Variants in PVALEF observed in about 807,000 individuals in gnomAD.
PVALEF encodes parvalbumin-like EF-hand-containing protein.
Under a neutral mutation model 1.2 loss-of-function variants are expected in PVALEF, and 2 were observed. That is an observed-to-expected ratio of 1.68 (90% CI 0.69 to 5.28). The LOEUF (loss-of-function observed/expected upper bound fraction) is 5.28. PVALEF is among the 30% of genes most tolerant of loss of function. The pLI, the probability that PVALEF is intolerant of heterozygous loss-of-function variation, is 0.06. For synonymous variants in PVALEF, 16 were observed against 6.5 expected (o/e 2.47, Z -2.24); for missense variants, 35 against 17.7 (o/e 1.97, Z -1.75).
Position 81,183,153 on chromosome 17 carries a change from C to A in PVALEF, c.*142C>A. On this transcript the variant is annotated 3_prime_UTR_variant, in exon 7 of 7. Transcript: ENST00000637878. ...CTTTTGAAGGAAAATGGAAGAAAAG[C>A]AGCATTAAGTGAATGACGCAGCCTG... The A allele has an allele frequency of 5.1e-6, 2 of 392,864 alleles. No individual in the cohort carries two copies. Among genetic ancestry groups the A allele is most frequent in the Non-Finnish European group, 9.0e-6 (2 of 222,756 alleles). The allele number at this position is 392,864 out of a possible 1,614,324, so 24.3% of individuals were successfully genotyped here.
Position 81,165,738 on chromosome 17 carries a change from G to A in PVALEF, c.-517G>A. The A allele has an allele frequency of 6.6e-7, 1 of 1,524,636 alleles. No homozygotes were observed. The highest frequency in any genetic ancestry group is 8.8e-7 in the Non-Finnish European group (1 of 1,137,468). The allele number at this position is 1,524,636 out of a possible 1,614,324, so 94.4% of individuals were successfully genotyped here. On this transcript the variant is annotated 5_prime_UTR_variant, in exon 1 of 7. Coordinates refer to ENST00000637878, the MANE Select transcript of PVALEF (RefSeq NM_001354639.2). ...CCACGCGGGGGACGCCAGCCCACAGGCGGAGGCCGGTTTGTGCTGGGGCCC... is the reference window on the plus strand; with the variant it reads ...CCACGCGGGGGACGCCAGCCCACAGACGGAGGCCGGTTTGTGCTGGGGCCC...
At chr17:81,173,454 G>A (rs1013672846) in intron 2 of PVALEF, among the ~76,000 whole-genome samples, 2 of 152,196 alleles carry the variant, frequency 1.3e-5, no homozygotes, top group Admixed American at 1.3e-4. Context: ...GGTGGGGTGG[G>A]AGCTCATGCT....
chr17:81,177,777 C>A (rs779089120), intron 2 of PVALEF, among the ~76,000 whole-genome samples: 1 of 152,238 alleles, frequency 6.6e-6, no homozygotes, highest in African/African-American at 2.4e-5. Flanking sequence ...CTGATTGCTT[C>A]ATCTCATCCA....
chr17:81,179,405 CAT>C (rs143461333), intron 3 of PVALEF, among the ~76,000 whole-genome samples: 4,697 of 152,316 alleles, frequency 0.031, 107 homozygotes, highest in African/African-American at 0.07. Flanking sequence ...GCGGGGAGCA[CAT>C]GTGTGCACGT....
intron 2 of PVALEF, among the ~76,000 whole-genome samples, chr17:81,169,426 C>G (rs113273349): frequency 0.09 from 13,653 of 152,178 alleles, 833 homozygotes; most frequent in East Asian, 0.18. Flanking sequence ...GGTGAAGCCC[C>G]GTATCTACTA....
intron 2 of PVALEF, 147 bp downstream of exon 2, chr17:81,166,991 G>C: frequency 3.2e-6 from 1 of 307,830 alleles, no homozygotes; most frequent in Non-Finnish European, 6.5e-6. Context: ...TGGGAGTCGG[G>C]AGAGTTAAAG....
At chr17:81,172,154 T>C (rs1000264795) in intron 2 of PVALEF, among the ~76,000 whole-genome samples, 1 of 152,228 alleles carries the variant, frequency 6.6e-6, no homozygotes, top group Non-Finnish European at 1.5e-5. Context: ...TTACGTTCCA[T>C]TGTGTGGACG....
chr17:81,183,142 T>C lies in PVALEF; in HGVS notation c.*131T>C, dbSNP rs1457570380. On this transcript the variant is annotated 3_prime_UTR_variant, in exon 7 of 7. Coordinates refer to ENST00000637878, the MANE Select transcript of PVALEF (RefSeq NM_001354639.2). ...GGTGGACCCAGCTTTTGAAGGAAAA[T>C]GGAAGAAAAGCAGCATTAAGTGAAT... The C allele has an allele frequency of 2.5e-6, 1 of 395,164 alleles. No homozygotes were observed. Among genetic ancestry groups the C allele is most frequent in the Non-Finnish European group, 4.5e-6 (1 of 224,626 alleles). 24.5% of individuals were successfully genotyped at this position (395,164 alleles called of 1,614,324 possible). A position where few individuals can be genotyped will look rare whatever the true frequency, so the allele number is the denominator to read the frequency against.
chr17:81,166,512 G>GC (rs886756514), intron 1 of PVALEF, among the ~76,000 whole-genome samples, 165 bp from the exon 2 acceptor site: 1 of 103,578 alleles, frequency 9.7e-6, no homozygotes, highest in Non-Finnish European at 2.2e-5. Flanking sequence ...GCGGGGGGGG[G>GC]GGAAACGGAA....
intron 1 of PVALEF, among the ~76,000 whole-genome samples, chr17:81,166,449 T>C (rs1434157321): frequency 1.3e-4 from 10 of 78,982 alleles, no homozygotes; most frequent in Non-Finnish European, 2.2e-4. Flanking sequence ...AGTGGGGGGA[T>C]GGTCCGGAGC....
chr17:81,166,103 C>CA, intron 1 of PVALEF: 8 of 577,338 alleles, frequency 1.4e-5, no homozygotes, highest in African/African-American at 2.1e-5. Context: ...GCGGAGCGCG[C>CA]CGGCCCCCGC....
At chr17:81,168,057 C>T (rs923625559) in intron 2 of PVALEF, among the ~76,000 whole-genome samples, 1 of 152,182 alleles carries the variant, frequency 6.6e-6, no homozygotes, top group Non-Finnish European at 1.5e-5. Context: ...GTCAGGGCCT[C>T]CCCTCCCCAG....
chr17:81,180,131 C>T (rs765086106), intron 3 of PVALEF, among the ~76,000 whole-genome samples: 5 of 152,202 alleles, frequency 3.3e-5, no homozygotes, highest in Non-Finnish European at 5.9e-5. Context: ...ATCTCGGGCT[C>T]CCCTGCCTTC....
At chr17:81,175,259 C>T (rs920678624) in intron 2 of PVALEF, among the ~76,000 whole-genome samples, 7 of 152,066 alleles carry the variant, frequency 4.6e-5, no homozygotes, top group Non-Finnish European at 1.0e-4. Flanking sequence ...CAAAACATGG[C>T]TGAAAAGAAA....
chr17:81,179,875 AGGGTG>A (rs764397977), intron 3 of PVALEF, among the ~76,000 whole-genome samples: 12 of 152,058 alleles, frequency 7.9e-5, no homozygotes, highest in Non-Finnish European at 1.8e-4. Flanking sequence ...CTAGCTGTGG[AGGGTG>A]GGTAAAGGGA....
chr17:81,177,680 G>A (rs1370531554), intron 2 of PVALEF, among the ~76,000 whole-genome samples: 6 of 152,094 alleles, frequency 3.9e-5, no homozygotes, highest in African/African-American at 1.5e-4. Flanking sequence ...ACCGAGCCTG[G>A]ACATTCTCCA....
At chr17:81,175,045 T>A (rs1002510243) in intron 2 of PVALEF, among the ~76,000 whole-genome samples, 1 of 152,108 alleles carries the variant, frequency 6.6e-6, no homozygotes, top group Non-Finnish European at 1.5e-5. Context: ...AGCTAATTAA[T>A]GATATCAGCA....
chr17:81,175,467 A>T (rs2061533476), intron 2 of PVALEF, among the ~76,000 whole-genome samples: 1 of 152,212 alleles, frequency 6.6e-6, no homozygotes, highest in Non-Finnish European at 1.5e-5. Flanking sequence ...CAAGAGACCC[A>T]AGATATCCAA....
intron 2 of PVALEF, among the ~76,000 whole-genome samples, chr17:81,174,461 T>C (rs1355209066): frequency 3.3e-5 from 5 of 151,182 alleles, no homozygotes; most frequent in African/African-American, 1.2e-4. Context: ...AAACCCCATC[T>C]CTACTAAAAA....
Sources: gnomAD v4.1 joint callset for allele counts (sites outside exome capture counted in the v4.1 genomes callset) on GRCh38, gnomAD v4.1.1 for gene constraint, MANE v1.5 for transcripts, NCBI Gene and HGNC (gene_info 2026-07-23, HGNC 2026-07-21) for gene names.